Variants in ADAMTS20 observed in about 807,000 individuals in gnomAD.
ADAMTS20 encodes ADAM metallopeptidase with thrombospondin type 1 motif 20.
ADAMTS20 carries 225 observed loss-of-function variants against 260.1 expected under a neutral mutation model. The ratio of observed to expected loss-of-function variants is 0.87; its 90% CI spans 0.78 to 0.97. ADAMTS20 has a LOEUF of 0.97. Among genes scored for constraint, ADAMTS20 ranks in the 50% least tolerant of loss-of-function variants. The pLI is 0.00. For synonymous variants in ADAMTS20, 802 were observed against 769.5 expected, an observed-to-expected ratio of 1.04 and a Z score of -0.70; for missense variants, 2,400 against 2,337.7, an observed-to-expected ratio of 1.03 and a Z score of -0.55.
At chr12:43,423,947 T>C (rs1377865312) in intron 28 of ADAMTS20, 1 of 702,622 alleles carries the variant, frequency 1.4e-6, no homozygotes, top group South Asian at 1.5e-5. Flanking sequence ...AATGTTCTGT[T>C]GTTTAATATC....
intron 10 of ADAMTS20, among the ~76,000 whole-genome samples, chr12:43,463,208 A>G (rs1942095850): frequency 6.6e-6 from 1 of 151,958 alleles, no homozygotes; most frequent in Non-Finnish European, 1.5e-5. Flanking sequence ...AAACTTTTTA[A>G]AAAAATTTTA....
chr12:43,532,423 G>A (rs563075310), intron 2 of ADAMTS20, among the ~76,000 whole-genome samples: 101 of 152,196 alleles, frequency 6.6e-4, no homozygotes, highest in Non-Finnish European at 1.3e-3. Context: ...GCCAAGCTAA[G>A]TGACGGGCAT....
At chr12:43,493,063 T>A (rs1336556292) in intron 5 of ADAMTS20, 107 bp downstream of exon 5, 2 of 804,236 alleles carry the variant, frequency 2.5e-6, no homozygotes, top group South Asian at 1.6e-5. Flanking sequence ...TCAAGTCTTT[T>A]AAAATTTTAA....
chr12:43,460,988 A>ATATTTTTTTTTTTTT, intron 11 of ADAMTS20, among the ~76,000 whole-genome samples: 1 of 26,394 alleles, frequency 3.8e-5, no homozygotes, highest in African/African-American at 1.3e-4. Flanking sequence ...ATATATATAT[A>ATATTTTTTTTTTTTT]TTTTTTTTTT....
In ADAMTS20 at chr12:43,466,767, T is replaced by A. The variant is rs1942160956; in HGVS notation, c.1252A>T (p.Arg418Ter). Residue 418 changes from arginine (R) to a stop codon, truncating the protein, a stop_gained, in exon 9 of 39, where the codon AGA becomes TGA. Coordinates refer to ENST00000389420, the MANE Select transcript of ADAMTS20 (RefSeq NM_025003.5). LOFTEE classifies it high-confidence loss of function. ...TTTGTAACTTTCATTTCTTTACATCTAGGATTATCATCATGTTGAACACCA... is the reference window on the plus strand; with the variant it reads ...TTTGTAACTTTCATTTCTTTACATCAAGGATTATCATCATGTTGAACACCA... ...TLGVQHDDNP[R>*]CKEMKVTKYH... 1.2e-6 allele frequency: 2 copies of A among 1,605,142 alleles called. No homozygotes were observed. The highest frequency in any genetic ancestry group is 1.7e-6 in the Non-Finnish European group (2 of 1,174,670).
Position 43,432,805 on chromosome 12 carries a change from A to T in ADAMTS20, c.2727T>A (p.His909Gln). ...ATGAACATTCACTTTTGCCAATAAC[A>T]TGCCACCTTGAAAAAAGATGTTACT... The part of the protein sequence containing the change: ...SCNTDCELRW[H>Q]VIGKSECSSQ... Residue 909 changes from histidine to glutamine, a missense_variant, in exon 20 of 39, where the codon CAT (histidine) becomes CAA (glutamine). By Grantham distance (24) the His-to-Gln change is conservative. Coordinates refer to ENST00000389420, the MANE Select transcript of ADAMTS20 (RefSeq NM_025003.5). The T allele has an allele frequency of 6.2e-7, 1 of 1,613,296 alleles. No individual in the cohort carries two copies. Among genetic ancestry groups the T allele is most frequent in the Non-Finnish European group, 8.5e-7 (1 of 1,179,272 alleles).
chr12:43,392,079 TATTTTCAGAAAAAA>T (rs1305972642), intron 29 of ADAMTS20, among the ~76,000 whole-genome samples: 1 of 152,142 alleles, frequency 6.6e-6, no homozygotes, highest in Non-Finnish European at 1.5e-5. Context: ...ACTCATTAAA[TATTTTCAGAAAAAA>T]ATATACAGTT....
intron 21 of ADAMTS20, 146 bp from the exon 22 acceptor site, chr12:43,431,642 A>T: frequency 3.2e-6 from 3 of 928,966 alleles, no homozygotes; most frequent in Non-Finnish European, 5.0e-6. Flanking sequence ...AGAGATATTC[A>T]CTGGGTAAAA....
intron 28 of ADAMTS20, among the ~76,000 whole-genome samples, chr12:43,424,345 G>C (rs1941290566): frequency 6.6e-6 from 1 of 152,002 alleles, no homozygotes; most frequent in Non-Finnish European, 1.5e-5. Flanking sequence ...AAGTTTATGA[G>C]TTTTGTCTAT....
intron 14 of ADAMTS20, among the ~76,000 whole-genome samples, chr12:43,447,725 T>C (rs1941788976): frequency 6.6e-6 from 1 of 152,098 alleles, no homozygotes; most frequent in African/African-American, 2.4e-5. Context: ...ATGACATGAT[T>C]ATATATCTAG....
intron 3 of ADAMTS20, among the ~76,000 whole-genome samples, chr12:43,509,801 T>C (rs1209762425): frequency 1.3e-5 from 2 of 152,162 alleles, no homozygotes; most frequent in Non-Finnish European, 2.9e-5. Context: ...ATATTATTAA[T>C]AAGTTCTTAG....
In ADAMTS20 at chr12:43,376,113, C is replaced by A; in HGVS notation, c.5256G>T (p.Lys1752Asn). 1.2e-6 allele frequency: 2 copies of A among 1,610,300 alleles called. No individual in the cohort carries two copies. The highest frequency in any genetic ancestry group is 1.7e-6 in the Non-Finnish European group (2 of 1,178,392). ...YCADMYLENP[K>N]EYLTLVQGEE... ...CACCTTGGACCAGTGTTAAATATTC[C>A]TTAGGGTTCTCCAAGTACATGTCTG... The change falls in exon 35 of 39, where the codon AAG becomes AAT. Residue 1752 changes from lysine to asparagine, a missense_variant. Coordinates refer to ENST00000389420, the MANE Select transcript of ADAMTS20 (RefSeq NM_025003.5).
chr12:43,540,307 C>T (rs901870648), intron 2 of ADAMTS20, among the ~76,000 whole-genome samples: 2 of 152,130 alleles, frequency 1.3e-5, no homozygotes, highest in Non-Finnish European at 2.9e-5. Context: ...CAGAAACCAT[C>T]GGTACCTCCT....
intron 14 of ADAMTS20, among the ~76,000 whole-genome samples, chr12:43,450,818 T>C (rs1232057407): frequency 2.0e-5 from 3 of 152,176 alleles, no homozygotes; most frequent in Non-Finnish European, 4.4e-5. Context: ...CATTAAGGAA[T>C]GGTTAAATCT....
At chr12:43,449,944 T>C (rs1159263097) in intron 14 of ADAMTS20, among the ~76,000 whole-genome samples, 1 of 152,142 alleles carries the variant, frequency 6.6e-6, no homozygotes, top group Non-Finnish European at 1.5e-5. Flanking sequence ...ACACTGACAT[T>C]GATTCCAATA....
intron 7 of ADAMTS20, among the ~76,000 whole-genome samples, chr12:43,487,504 C>T (rs978971965): frequency 3.4e-4 from 52 of 151,734 alleles, no homozygotes; most frequent in African/African-American, 1.1e-3. Context: ...GATGGGTGCA[C>T]GAAAATCTTA....
rs771412543 is a variant in ADAMTS20, at chr12:43,462,997, A to G, written c.1512T>C (p.Asn504=). 3.8e-6 allele frequency: 6 copies of G among 1,598,310 alleles called. No homozygotes were observed. In the East Asian group the frequency reaches 1.3e-4, roughly 36 times the overall value. Reference sequence around the variant, plus strand: ...TTGTGCACCACAGATGCATGCATATATTCTCCTGAGTAACAAAAGGCAGGC... The same window carrying G: ...TTGTGCACCACAGATGCATGCATATGTTCTCCTGAGTAACAAAAGGCAGGC... The part of the protein sequence containing the change: ...GPGSQMCPHI[N]ICMHLWCTST... The change falls in exon 11 of 39, where the codon AAT becomes AAC. Residue 504 remains asparagine, a splice_region_variant and synonymous_variant. Coordinates refer to ENST00000389420, the MANE Select transcript of ADAMTS20 (RefSeq NM_025003.5).
Position 43,551,406 on chromosome 12 carries a change from G to A in ADAMTS20, c.92-136C>T. ...GGGGCAAGACAAATGCACACATGCT[G>A]ATGCGCACGCACACACACACACGTG... On this transcript the variant is annotated intron_variant, in intron 1 of 38. Transcript: ENST00000389420. The surrounding 1 kb of genome is among the most constrained non-coding windows in gnomAD (Gnocchi z 4.6). 1 of 1,266,762 alleles carries A rather than the reference G, an allele frequency of 7.9e-7. No homozygotes were observed. Among genetic ancestry groups the A allele is most frequent in the East Asian group, 2.5e-5 (1 of 39,342 alleles). 78.5% of individuals were successfully genotyped at this position (1,266,762 alleles called of 1,614,324 possible).
chr12:43,471,200 T>C (rs928720693), intron 7 of ADAMTS20, among the ~76,000 whole-genome samples: 2 of 152,174 alleles, frequency 1.3e-5, no homozygotes, highest in African/African-American at 4.8e-5. Flanking sequence ...GGGAGTTCCC[T>C]TTCCGAGTCA....
Sources: allele counts gnomAD v4.1 joint callset (sites outside exome capture counted in the v4.1 genomes callset), GRCh38; gene constraint gnomAD v4.1.1; non-coding constraint Gnocchi (gnomAD v3.1); transcripts MANE v1.5; gene names NCBI Gene and HGNC (gene_info 2026-07-23, HGNC 2026-07-21).